LRP8: variants seen among roughly 807,000 people sequenced by gnomAD.
LRP8 encodes the protein LDL receptor related protein 8.
In LRP8, 46 loss-of-function variants were observed where a neutral mutation model predicts 111.6. The ratio of observed to expected loss-of-function variants is 0.41; its 90% confidence interval spans 0.33 to 0.53. The LOEUF (loss-of-function observed/expected upper bound fraction) is 0.53, where lower values mean the gene tolerates loss of function less well. LRP8 is among the 20% of genes least tolerant of loss of function. The pLI is 0.20. For missense variants in LRP8, 959 were observed against 1,297.4 expected (o/e 0.74, Z 4.01); for synonymous variants, 464 against 511.2 (o/e 0.91, Z 1.24).
rs149184724 is a variant in LRP8 at position 53,301,954 on chromosome 1, G to A, written c.245-12265C>T. ...CTTGGTTAGACTCTGGGGTGGTGAC[G>A]TCACTCATCTCCCCTCTCTGGACCC... is the stretch of plus-strand genomic sequence containing the variant. On this transcript the variant is annotated intron_variant, in intron 2 of 18. Coordinates refer to ENST00000306052, the MANE Select transcript of LRP8 (RefSeq NM_004631.5). Among the ~76,000 whole-genome samples, 399 of 152,192 alleles carry A rather than the reference G, an allele frequency of 2.6e-3. 3 individuals are homozygous for A. Among genetic ancestry groups the A allele is most frequent in the African/African-American group, 9.0e-3 (373 of 41,520 alleles).
intron 2 of LRP8, among the ~76,000 whole-genome samples, chr1:53,309,051 G>C (rs891171652): frequency 1.3e-5 from 2 of 152,320 alleles, no homozygotes; most frequent in Middle Eastern, 3.4e-3. Context: ...GAGACGGGCA[G>C]ATCACCTGAG....
intron 3 of LRP8, chr1:53,289,341 C>T (rs1340616163): frequency 1.9e-4 from 87 of 464,100 alleles, no homozygotes. Flanking sequence ...GTTTCTAGCT[C>T]CTGCTGCCAC....
At position 53,258,594 on chromosome 1, in the gene LRP8, C is replaced by A. The variant is rs578020274; in HGVS notation, c.2057-123G>T. On this transcript the variant is annotated intron_variant, in intron 13 of 18. Transcript: ENST00000306052. The stretch of plus-strand genomic sequence containing the variant: ...AGCTTGCCCTATACTTTTTTTTTCA[C>A]ATTTTTTTTCTTTTTCTTTCTTTTT... The A allele has an allele frequency of 5.8e-5, 49 of 842,160 alleles. No homozygotes were observed. In the East Asian group the frequency reaches 1.3e-3, roughly 23 times the overall value. The allele number at this position is 842,160 out of a possible 1,614,324, so 52.2% of individuals were successfully genotyped here. A position where few individuals can be genotyped will look rare whatever the true frequency, so the allele number is the denominator to read the frequency against.
At chr1:53,302,806 C>T (rs1651196603) in intron 2 of LRP8, among the ~76,000 whole-genome samples, 2 of 151,398 alleles carry the variant, frequency 1.3e-5, no homozygotes, top group South Asian at 4.2e-4. Flanking sequence ...CCTCACACCC[C>T]AGCTTCCCAA....
intron 2 of LRP8, among the ~76,000 whole-genome samples, chr1:53,290,837 G>C (rs1648596147): frequency 6.6e-6 from 1 of 152,172 alleles, no homozygotes; most frequent in Non-Finnish European, 1.5e-5. Context: ...CCCAGTAGGT[G>C]GTGGGGGTGC....
intron 2 of LRP8, among the ~76,000 whole-genome samples, chr1:53,308,176 A>G (rs1003324839): frequency 6.6e-6 from 1 of 152,194 alleles, no homozygotes; most frequent in Non-Finnish European, 1.5e-5. Context: ...TCCAAATCCA[A>G]ACACACCTTT....
At chr1:53,314,091 C>T (rs1653465321) in intron 2 of LRP8, among the ~76,000 whole-genome samples, 2 of 152,198 alleles carry the variant, frequency 1.3e-5, no homozygotes, top group South Asian at 4.1e-4. Flanking sequence ...CTCCCAGGTT[C>T]CTGCCCAAGG....
At chr1:53,272,568 C>G in intron 6 of LRP8, 1 of 1,291,362 alleles carries the variant, frequency 7.7e-7, no homozygotes. Context: ...GCCCCCACTT[C>G]CAGCCTGAGC....
At chr1:53,323,260 C>T (rs1307517627) in intron 2 of LRP8, among the ~76,000 whole-genome samples, 2 of 152,260 alleles carry the variant, frequency 1.3e-5, no homozygotes, top group East Asian at 1.9e-4. Flanking sequence ...GTCTGTGCCT[C>T]GATGAGATAG....
At chr1:53,276,637 C>T (rs1426430251) in intron 5 of LRP8, 55 bp downstream of exon 5, 4 of 1,362,722 alleles carry the variant, frequency 2.9e-6, no homozygotes, top group South Asian at 1.3e-5. Flanking sequence ...GGATCCGGAT[C>T]GGATAGCGGA....
chr1:53,255,792 C>T (rs1646065002), intron 15 of LRP8, among the ~76,000 whole-genome samples: 1 of 152,166 alleles, frequency 6.6e-6, no homozygotes, highest in Non-Finnish European at 1.5e-5. Flanking sequence ...ATTATAAATA[C>T]AGCACATGGT....
intron 1 of LRP8, chr1:53,327,485 G>A: frequency 3.2e-6 from 1 of 309,238 alleles, no homozygotes; most frequent in South Asian, 8.6e-5. Context: ...CCCCAACGGC[G>A]AGAATCACAC....
chr1:53,302,338 T>A (rs1254841081), intron 2 of LRP8, among the ~76,000 whole-genome samples: 1 of 152,102 alleles, frequency 6.6e-6, no homozygotes, highest in Non-Finnish European at 1.5e-5. Flanking sequence ...GGTGTAAGCG[T>A]GTGGTCCACA....
chr1:53,276,951 G>A lies in LRP8; in HGVS notation c.624C>T (p.Pro208=). ...ERGCADPACG[P]REFRCGGDGG... The stretch of plus-strand genomic sequence containing the variant: ...CATCGCCGCCGCAGCGGAACTCGCG[G>A]GGCCCGCAGGCCGGGTCTGCACAGC... Residue 208 remains proline, a synonymous_variant, in exon 5 of 19, where the codon CCC becomes CCT. Transcript: ENST00000306052. 11 of 1,473,088 alleles carry A rather than the reference G, an allele frequency of 7.5e-6. No individual in the cohort carries two copies. Among genetic ancestry groups the A allele is most frequent in the Non-Finnish European group, 9.9e-6 (11 of 1,115,674 alleles). The allele number at this position is 1,473,088 out of a possible 1,614,324, so 91.3% of individuals were successfully genotyped here. A position where few individuals can be genotyped will look rare whatever the true frequency, so the allele number is the denominator to read the frequency against.
chr1:53,253,199 T>C (rs780114995), intron 16 of LRP8, among the ~76,000 whole-genome samples: 4 of 152,134 alleles, frequency 2.6e-5, no homozygotes, highest in Non-Finnish European at 5.9e-5. Flanking sequence ...TAAGTTAGAG[T>C]GAGGCTGGCC....
At chr1:53,316,953 G>A (rs942153434) in intron 2 of LRP8, among the ~76,000 whole-genome samples, 1 of 152,134 alleles carries the variant, frequency 6.6e-6, no homozygotes, top group Non-Finnish European at 1.5e-5. Context: ...GCTCTGGCTT[G>A]GTTTGGGCAG....
chr1:53,315,408 T>G (rs1010194742), intron 2 of LRP8, among the ~76,000 whole-genome samples: 5 of 152,186 alleles, frequency 3.3e-5, no homozygotes, highest in African/African-American at 1.2e-4. Context: ...GCATGCACCA[T>G]GCACTGCTCT....
chr1:53,290,505 A>C (rs1275500865), intron 2 of LRP8, among the ~76,000 whole-genome samples: 1 of 152,144 alleles, frequency 6.6e-6, no homozygotes, highest in Non-Finnish European at 1.5e-5. Context: ...TCAGGGTTTG[A>C]GTCTTAATTA....
At chr1:53,319,468 G>A (rs1654214931) in intron 2 of LRP8, among the ~76,000 whole-genome samples, 1 of 152,180 alleles carries the variant, frequency 6.6e-6, no homozygotes, top group Non-Finnish European at 1.5e-5. Flanking sequence ...TGGGCTCGCT[G>A]GGTGACTCTC....
Sources: gnomAD v4.1 joint callset for allele counts (sites outside exome capture counted in the v4.1 genomes callset) on GRCh38, gnomAD v4.1.1 for gene constraint, MANE v1.5 for transcripts, NCBI Gene and HGNC (gene_info 2026-07-23, HGNC 2026-07-21) for gene names.